Variants in PCDHA9 observed in about 807,000 individuals in gnomAD.
PCDHA9 encodes protocadherin alpha 9.
Under a neutral mutation model 62.0 loss-of-function variants are expected in PCDHA9, and 62 were observed. The observed-to-expected ratio is 1.00, with a 90% CI of 0.81 to 1.23. The LOEUF (loss-of-function observed/expected upper bound fraction) is 1.23, where lower values mean the gene tolerates loss of function less well. Ranked by LOEUF, PCDHA9 falls within the 50% of genes most tolerant of loss-of-function variation. PCDHA9 has a pLI of 0.00. For missense variants in PCDHA9, 1,205 were observed against 1,249.8 expected (o/e 0.96, Z 0.54); for synonymous variants, 557 against 567.6 (o/e 0.98, Z 0.27).
Position 140,927,170 on chromosome 5 carries a change from G to A in PCDHA9, c.2395-51779G>A, listed in dbSNP as rs370656989. The A allele has an allele frequency of 2.6e-5, 42 of 1,614,048 alleles. No individual in the cohort carries two copies. The highest frequency in any genetic ancestry group is 3.5e-5 in the Non-Finnish European group (41 of 1,180,042). On this transcript the variant is annotated intron_variant, in intron 1 of 3. Coordinates refer to ENST00000532602, the MANE Select transcript of PCDHA9 (RefSeq NM_031857.2). Reference sequence around the variant, plus strand: ...CAGCTGTGCAGGGCCAAAGCTGCCTGCGTCTTGACCTACGACCTGGTGCTC... The same window carrying A: ...CAGCTGTGCAGGGCCAAAGCTGCCTACGTCTTGACCTACGACCTGGTGCTC...
At chr5:140,870,561 C>T (rs544569992) in intron 1 of PCDHA9, 6 of 1,614,010 alleles carry the variant, frequency 3.7e-6, no homozygotes, top group African/African-American at 1.3e-5. Flanking sequence ...CGCAGGAGAA[C>T]GCGCTGGTGT....
chr5:140,975,207 G>A (rs2096658071), intron 1 of PCDHA9, among the ~76,000 whole-genome samples: 1 of 152,180 alleles, frequency 6.6e-6, no homozygotes. Flanking sequence ...CTTCATGGCT[G>A]GCACTGGAGA....
intron 3 of PCDHA9, among the ~76,000 whole-genome samples, chr5:140,990,141 C>A (rs2097376222): frequency 6.6e-6 from 1 of 151,818 alleles, no homozygotes; most frequent in African/African-American, 2.4e-5. Flanking sequence ...ACTCAAGAGG[C>A]ATAATAATAG....
At chr5:140,877,540 G>A (rs1044322759) in intron 1 of PCDHA9, 2 of 1,613,770 alleles carry the variant, frequency 1.2e-6, no homozygotes, top group East Asian at 2.2e-5. Flanking sequence ...TGTGGATCCC[G>A]AAGCGGCTCT....
chr5:140,968,918 A>G, intron 1 of PCDHA9: 1 of 1,614,164 alleles, frequency 6.2e-7, no homozygotes, highest in Non-Finnish European at 8.5e-7. Context: ...AGTGTCTTTT[A>G]TATTTCTTTT....
At chr5:140,906,807 A>G (rs2072952420) in intron 1 of PCDHA9, among the ~76,000 whole-genome samples, 1 of 152,004 alleles carries the variant, frequency 6.6e-6, no homozygotes, top group African/African-American at 2.4e-5. Flanking sequence ...ACTCTTCCTT[A>G]CCTCCACTGT....
intron 1 of PCDHA9, 79 bp from the exon 2 acceptor site, chr5:140,978,870 G>T: frequency 6.2e-7 from 1 of 1,606,988 alleles, no homozygotes; most frequent in Non-Finnish European, 8.5e-7. Context: ...ATTTAAGGGA[G>T]TAACTAATCA....
chr5:140,924,766 G>A (rs543178519), intron 1 of PCDHA9, among the ~76,000 whole-genome samples: 1 of 151,878 alleles, frequency 6.6e-6, no homozygotes, highest in East Asian at 1.9e-4. Context: ...ATGGTGGTGC[G>A]CGCTTGTAGT....
intron 1 of PCDHA9, among the ~76,000 whole-genome samples, chr5:140,936,450 T>C (rs1217629620): frequency 6.6e-6 from 1 of 152,234 alleles, no homozygotes; most frequent in Non-Finnish European, 1.5e-5. Context: ...TAACCACATC[T>C]GTTTAGTGGT....
intron 1 of PCDHA9, chr5:140,881,269 G>T (rs1016077757): frequency 3.1e-6 from 2 of 648,656 alleles, no homozygotes; most frequent in Non-Finnish European, 1.9e-6. Context: ...CAGTGATGAT[G>T]AAGTAAGATG....
intron 1 of PCDHA9, among the ~76,000 whole-genome samples, chr5:140,921,582 A>G (rs1451313725): frequency 6.6e-6 from 1 of 152,200 alleles, no homozygotes; most frequent in Non-Finnish European, 1.5e-5. Context: ...AGCTCATACT[A>G]TATTATGGTT....
chr5:140,850,154 G>A lies in PCDHA9; in HGVS notation c.1659G>A (p.Val553=). The A allele has an allele frequency of 6.3e-7, 1 of 1,595,410 alleles. No individual in the cohort carries two copies. Among genetic ancestry groups the A allele is most frequent in the Non-Finnish European group, 8.6e-7 (1 of 1,167,832 alleles). The change falls in exon 1 of 4, where the codon GTG becomes GTA. Residue 553 remains valine (V), a synonymous_variant. Coordinates refer to ENST00000532602, the MANE Select transcript of PCDHA9 (RefSeq NM_031857.2). ...TGGGCAGCAACGTGACGCTGCAGGT[G>A]TTCGTGCTGGACGAGAACGACAATG... ...PPLGSNVTLQ[V]FVLDENDNAP... is the part of the protein sequence containing the mutation.
intron 1 of PCDHA9, among the ~76,000 whole-genome samples, chr5:140,962,176 C>T (rs1554225858): frequency 6.6e-6 from 1 of 152,104 alleles, no homozygotes; most frequent in Admixed American, 6.6e-5. Flanking sequence ...CACCCGGCCA[C>T]TTATATCACT....
rs2150500104 is a variant in PCDHA9, at chr5:140,850,840, C to T, written c.2345C>T (p.Ser782Phe). The T allele has an allele frequency of 6.3e-7, 1 of 1,597,492 alleles. No individual in the cohort carries two copies. The highest frequency in any genetic ancestry group is 1.7e-5 in the Admixed American group (1 of 59,212). The change falls in exon 1 of 4, where the codon TCT becomes TTT. Residue 782 changes from serine to phenylalanine, a missense_variant. This residue lies in a region of PCDHA9 where 887 missense variants were observed against 809.5 expected (regional missense o/e 1.10). Coordinates refer to ENST00000532602, the MANE Select transcript of PCDHA9 (RefSeq NM_031857.2). The stretch of plus-strand genomic sequence containing the variant: ...CCGGGCCTTTCTCCTTGTGCTGGAT[C>T]TACAGAGCGAACGGGAGAACCCTCT... ...FSPGLSPCAG[S>F]TERTGEPSAS...
rs1041924506 is a variant in PCDHA9 at position 140,932,800 on chromosome 5, C to T, written c.2395-46149C>T. ...GAGTGGACATAAGAGAAAAGCAATA[C>T]CTTGGAAACATATAAGTGGGAAAGT... On this transcript the variant is annotated intron_variant, in intron 1 of 3. Coordinates refer to ENST00000532602, the MANE Select transcript of PCDHA9 (RefSeq NM_031857.2). Among the ~76,000 whole-genome samples the T allele has an allele frequency of 2.6e-5, 4 of 151,684 alleles. No homozygotes were observed. The East Asian group carries it at 5.8e-4, about 22-fold the overall frequency.
intron 3 of PCDHA9, among the ~76,000 whole-genome samples, chr5:140,999,223 G>A (rs1554256702): frequency 3.3e-5 from 5 of 152,316 alleles, no homozygotes; most frequent in African/African-American, 1.2e-4. Flanking sequence ...TACTACATTT[G>A]AGAATAGGTG....
chr5:140,966,539 T>TCGGAGGCGAG (rs2096018089), intron 1 of PCDHA9: 1 of 462,064 alleles, frequency 2.2e-6, no homozygotes, highest in Non-Finnish European at 3.7e-6. Flanking sequence ...GTTGAGCGAC[T>TCGGAGGCGAG]CGGAGGCGAG....
At chr5:140,917,397 C>T (rs1606123) in intron 1 of PCDHA9, among the ~76,000 whole-genome samples, 6,084 of 150,666 alleles carry the variant, frequency 0.04, 137 homozygotes, top group Non-Finnish European at 0.052. Context: ...TGTGCAGAAG[C>T]TCTTTAGTTT....
At chr5:140,966,663 A>C in intron 1 of PCDHA9, 1 of 1,237,556 alleles carries the variant, frequency 8.1e-7, no homozygotes, top group East Asian at 3.0e-5. Context: ...GTGGGGGAGC[A>C]GGCGCAGGGT....
Sources: gnomAD v4.1 joint callset for allele counts (sites outside exome capture counted in the v4.1 genomes callset) on GRCh38, gnomAD v4.1.1 for gene constraint, gnomAD v4.1.1 regional missense constraint, MANE v1.5 for transcripts, NCBI Gene and HGNC (gene_info 2026-07-23, HGNC 2026-07-21) for gene names.